CCSER1: variants seen among roughly 807,000 people sequenced by gnomAD.
The protein encoded by CCSER1 is coiled-coil serine rich protein 1.
CCSER1 carries 41 observed loss-of-function variants against 82.0 expected under a neutral mutation model. The ratio of observed to expected loss-of-function variants is 0.50; its 90% CI spans 0.39 to 0.65. The LOEUF (loss-of-function observed/expected upper bound fraction) is 0.65. Among genes scored for constraint, CCSER1 ranks in the 30% least tolerant of loss-of-function variants. The probability of loss-of-function intolerance (pLI) is 0.00; values close to 1 mark genes in which losing one functional copy is unlikely to be tolerated. For missense variants in CCSER1, 1,119 were observed against 1,064.2 expected, an observed-to-expected ratio of 1.05 and a Z score of -0.72; for synonymous variants, 414 against 383.9, an observed-to-expected ratio of 1.08 and a Z score of -0.92.
chr4:90,371,354 A>G (rs1011585741), intron 3 of CCSER1, among the ~76,000 whole-genome samples: 2 of 152,144 alleles, frequency 1.3e-5, no homozygotes, highest in African/African-American at 4.8e-5. Flanking sequence ...TAATTACACT[A>G]GCATCTATAA....
At chr4:91,302,396 A>G (rs62312025) in intron 10 of CCSER1, among the ~76,000 whole-genome samples, 2,008 of 151,968 alleles carry the variant, frequency 0.013, 18 homozygotes, top group Non-Finnish European at 0.021. Flanking sequence ...CAGTCCTTCC[A>G]CTTCTGTTTA....
At chr4:90,220,719 C>A (rs1184992636) in intron 1 of CCSER1, among the ~76,000 whole-genome samples, 2 of 152,176 alleles carry the variant, frequency 1.3e-5, no homozygotes, top group African/African-American at 2.4e-5. Context: ...GCAGTGGACA[C>A]CTTGCCAAGG....
At chr4:91,145,298 C>G (rs1226406398) in intron 10 of CCSER1, among the ~76,000 whole-genome samples, 1 of 151,784 alleles carries the variant, frequency 6.6e-6, no homozygotes, top group Non-Finnish European at 1.5e-5. Context: ...TTTTTGTTAT[C>G]CATTTGCATA....
chr4:91,591,758 T>C (rs1764280935), intron 10 of CCSER1, among the ~76,000 whole-genome samples: 2 of 152,172 alleles, frequency 1.3e-5, no homozygotes, highest in Non-Finnish European at 2.9e-5. Flanking sequence ...TACCCAAAGA[T>C]GTATGTACCC....
chr4:91,516,077 T>TTA (rs1336624121), intron 10 of CCSER1, among the ~76,000 whole-genome samples: 1 of 152,112 alleles, frequency 6.6e-6, no homozygotes, highest in East Asian at 1.9e-4. Flanking sequence ...GCTTGTAAAT[T>TTA]TATATATATT....
chr4:91,094,354 G>T (rs1293618908), intron 10 of CCSER1, among the ~76,000 whole-genome samples: 3 of 152,300 alleles, frequency 2.0e-5, no homozygotes, highest in South Asian at 4.1e-4. Flanking sequence ...CTAGTCTGAT[G>T]CTAAAGAAGG....
At chr4:90,921,498 C>T (rs13152758) in intron 8 of CCSER1, among the ~76,000 whole-genome samples, 70,956 of 151,714 alleles carry the variant, frequency 0.47, 18,251 homozygotes, top group African/African-American at 0.7. Context: ...ATAACTGTTC[C>T]TTATTTAAAG....
chr4:91,082,353 C>T (rs1344146786), intron 9 of CCSER1, among the ~76,000 whole-genome samples: 2 of 152,152 alleles, frequency 1.3e-5, no homozygotes, highest in East Asian at 1.9e-4. Context: ...AACTGGCTAA[C>T]CATATGTAGA....
chr4:90,831,983 T>A (rs1300517288), intron 8 of CCSER1, among the ~76,000 whole-genome samples: 1 of 152,056 alleles, frequency 6.6e-6, no homozygotes, highest in Admixed American at 6.6e-5. Context: ...ACATATATCT[T>A]ATATGTGTAA....
chr4:91,064,778 A>G (rs1365912224), intron 9 of CCSER1, among the ~76,000 whole-genome samples: 1 of 152,220 alleles, frequency 6.6e-6, no homozygotes, highest in East Asian at 1.9e-4. Flanking sequence ...AGGCCCTTCT[A>G]AAGAGTAGTT....
chr4:91,452,442 T>C (rs562431606), intron 10 of CCSER1, among the ~76,000 whole-genome samples: 38 of 152,130 alleles, frequency 2.5e-4, no homozygotes, highest in African/African-American at 8.7e-4. Flanking sequence ...ACACTACTTG[T>C]CATTTGTAGA....
intron 6 of CCSER1, among the ~76,000 whole-genome samples, chr4:90,646,223 G>GA (rs1293852466): frequency 6.6e-6 from 1 of 152,058 alleles, no homozygotes; most frequent in Non-Finnish European, 1.5e-5. Flanking sequence ...AATTTTGGGG[G>GA]AAAAATAATC....
At chr4:90,402,457 A>G (rs562428620) in intron 4 of CCSER1, among the ~76,000 whole-genome samples, 51 of 152,308 alleles carry the variant, frequency 3.3e-4, no homozygotes, top group African/African-American at 1.2e-3. Flanking sequence ...CCAATATCGT[A>G]TATAGGCTTT....
At chr4:90,290,848 A>G (rs1385092715) in intron 1 of CCSER1, among the ~76,000 whole-genome samples, 3 of 152,006 alleles carry the variant, frequency 2.0e-5, no homozygotes, top group Non-Finnish European at 4.4e-5. Flanking sequence ...AGCATTCAGA[A>G]TATTATTTTG....
At chr4:90,655,460 G>T (rs956238717) in intron 6 of CCSER1, among the ~76,000 whole-genome samples, 2 of 151,886 alleles carry the variant, frequency 1.3e-5, no homozygotes, top group African/African-American at 4.8e-5. Flanking sequence ...TTTTCTTTCA[G>T]ATTGAAACAA....
chr4:90,324,242 C>T (rs1011653083), intron 3 of CCSER1, among the ~76,000 whole-genome samples: 3 of 152,150 alleles, frequency 2.0e-5, no homozygotes, highest in African/African-American at 7.2e-5. Context: ...GAGGAATCGC[C>T]ACACTGACTT....
chr4:91,161,749 A>C (rs1731422744), intron 10 of CCSER1, among the ~76,000 whole-genome samples: 1 of 152,052 alleles, frequency 6.6e-6, no homozygotes, highest in Non-Finnish European at 1.5e-5. Context: ...TTGCACATTG[A>C]TTTTCTATCC....
chr4:90,653,958 C>G (rs1729240572), intron 6 of CCSER1, among the ~76,000 whole-genome samples: 1 of 152,088 alleles, frequency 6.6e-6, no homozygotes, highest in African/African-American at 2.4e-5. Context: ...AAAGAGGAAG[C>G]AAGAACCTTC....
At chr4:91,055,840 T>A (rs1743398085) in intron 9 of CCSER1, among the ~76,000 whole-genome samples, 1 of 140,404 alleles carries the variant, frequency 7.1e-6, no homozygotes, top group South Asian at 2.7e-4. Flanking sequence ...TTGGTCTGCA[T>A]GATAGTATCC....
Sources: allele counts gnomAD v4.1 joint callset (sites outside exome capture counted in the v4.1 genomes callset), GRCh38; gene constraint gnomAD v4.1.1; transcripts MANE v1.5; gene names NCBI Gene and HGNC (gene_info 2026-07-23, HGNC 2026-07-21).